Variants in ORC3 observed in about 807,000 individuals in gnomAD.
ORC3 encodes the protein origin recognition complex subunit 3.
Under a neutral mutation model 100.7 loss-of-function variants are expected in ORC3, and 78 were observed. The ratio of observed to expected loss-of-function variants is 0.77; its 90% CI spans 0.65 to 0.94. The LOEUF (loss-of-function observed/expected upper bound fraction) is 0.94. Among genes scored for constraint, ORC3 ranks in the 40% least tolerant of loss-of-function variants. The pLI, the probability that ORC3 is intolerant of heterozygous loss-of-function variation, is 0.00. For missense variants in ORC3, 789 were observed against 823.9 expected (o/e 0.96, Z 0.52); for synonymous variants, 295 against 289.3 (o/e 1.02, Z -0.20).
At chr6:87,675,515 G>A in the ORC3 span, 1 of 1,547,632 alleles carries the variant, frequency 6.5e-7, no homozygotes, top group Non-Finnish European at 8.9e-7. Context: ...AAGGGGTATT[G>A]GCATTGCTGC....
intron 13 of ORC3, among the ~76,000 whole-genome samples, chr6:87,637,464 C>A (rs1767911596): frequency 1.3e-5 from 2 of 152,058 alleles, no homozygotes; most frequent in Non-Finnish European, 2.9e-5. Context: ...AACAAGATTT[C>A]TTTTTTCTTC....
intron 13 of ORC3, among the ~76,000 whole-genome samples, chr6:87,644,026 A>G (rs1027203784): frequency 2.0e-5 from 3 of 148,762 alleles, no homozygotes; most frequent in African/African-American, 7.5e-5. Flanking sequence ...TTTCAATCCA[A>G]GGTTGATTGA....
At chr6:87,674,341 A>C in the ORC3 span, among the ~76,000 whole-genome samples, 51 of 150,134 alleles carry the variant, frequency 3.4e-4, no homozygotes, top group East Asian at 8.0e-3. Context: ...TTTTCTTCTA[A>C]CTTGGTCAGT....
Position 87,603,380 on chromosome 6 carries a change from G to A in ORC3, c.178-4G>A. 1 of 1,430,846 alleles carries A rather than the reference G, an allele frequency of 7.0e-7. No individual in the cohort carries two copies. Among genetic ancestry groups the A allele is most frequent in the Non-Finnish European group, 9.4e-7 (1 of 1,058,498 alleles). The allele number at this position is 1,430,846 out of a possible 1,614,324, so 88.6% of individuals were successfully genotyped here. Reference sequence around the variant, plus strand: ...AATAATAAGTTTTTGTGTGTTCTTTGTAGCGACTACAAGAGGAATTAAATA... The same window carrying A: ...AATAATAAGTTTTTGTGTGTTCTTTATAGCGACTACAAGAGGAATTAAATA... On this transcript the variant is annotated splice_polypyrimidine_tract_variant and splice_region_variant and intron_variant, in intron 3 of 19. Transcript: ENST00000392844.
chr6:87,658,163 G>A (rs1769868893), intron 16 of ORC3, 145 bp downstream of exon 16: 3 of 540,112 alleles, frequency 5.6e-6, no homozygotes, highest in Non-Finnish European at 9.9e-6. Flanking sequence ...CTAGCTTAGA[G>A]TTGTAATTTT....
the ORC3 span, among the ~76,000 whole-genome samples, chr6:87,673,256 G>T: frequency 6.9e-6 from 1 of 144,418 alleles, no homozygotes; most frequent in Admixed American, 7.3e-5. Flanking sequence ...TGCCTCCTGA[G>T]TTCAAGCGAT....
At chr6:87,600,881 T>C (rs1270183625) in intron 2 of ORC3, among the ~76,000 whole-genome samples, 1 of 152,246 alleles carries the variant, frequency 6.6e-6, no homozygotes, top group African/African-American at 2.4e-5. Flanking sequence ...TTTTTGTTCA[T>C]GTGTATATGT....
intron 12 of ORC3, among the ~76,000 whole-genome samples, 165 bp from the exon 13 acceptor site, chr6:87,636,242 T>A (rs753156841): frequency 3.3e-4 from 51 of 152,314 alleles, no homozygotes; most frequent in Non-Finnish European, 6.0e-4. Flanking sequence ...GTAAATTGCA[T>A]TCTTATAAAG....
intron 16 of ORC3, among the ~76,000 whole-genome samples, chr6:87,661,334 A>G (rs1043738906): frequency 1.3e-5 from 2 of 152,084 alleles, no homozygotes; most frequent in African/African-American, 2.4e-5. Context: ...TATCTGAGGT[A>G]TAGAATATTG....
chr6:87,615,357 C>T (rs1305509424), intron 8 of ORC3, among the ~76,000 whole-genome samples: 1 of 152,152 alleles, frequency 6.6e-6, no homozygotes, highest in African/African-American at 2.4e-5. Context: ...CATTGACCTT[C>T]CCCAAATTGC....
intron 13 of ORC3, among the ~76,000 whole-genome samples, chr6:87,644,018 T>G (rs1464181903): frequency 1.3e-5 from 2 of 151,372 alleles, no homozygotes; most frequent in African/African-American, 2.4e-5. Context: ...CAAAATATTT[T>G]CAATCCAAGG....
chr6:87,666,955 G>C (rs1005604033), intron 19 of ORC3, 63 bp from the exon 20 acceptor site: 2 of 918,746 alleles, frequency 2.2e-6, no homozygotes, highest in African/African-American at 3.3e-5. Flanking sequence ...TTTTAACATT[G>C]AGATTTTAAT....
chr6:87,653,285 T>G, intron 14 of ORC3, 36 bp downstream of exon 14: 1 of 1,588,598 alleles, frequency 6.3e-7, no homozygotes, highest in Non-Finnish European at 8.6e-7. Context: ...CTATTGGCCA[T>G]GACAGTCATT....
At chr6:87,652,622 C>T (rs965762328) in intron 13 of ORC3, among the ~76,000 whole-genome samples, 43 of 152,140 alleles carry the variant, frequency 2.8e-4, no homozygotes, top group African/African-American at 9.4e-4. Flanking sequence ...TTACATTTAG[C>T]ACGTCATATC....
chr6:87,677,050 C>T, the ORC3 span, among the ~76,000 whole-genome samples: 2 of 150,456 alleles, frequency 1.3e-5, no homozygotes, highest in East Asian at 2.0e-4. Context: ...GCACTCCAGC[C>T]TTGGGTGACA....
chr6:87,628,756 T>C (rs767861228), intron 11 of ORC3, among the ~76,000 whole-genome samples: 14 of 152,172 alleles, frequency 9.2e-5, no homozygotes, highest in Non-Finnish European at 1.9e-4. Context: ...ACAAAATCAG[T>C]TCATGAGTTT....
intron 14 of ORC3, among the ~76,000 whole-genome samples, chr6:87,654,395 C>T (rs1332098930): frequency 1.3e-5 from 2 of 152,190 alleles, no homozygotes; most frequent in African/African-American, 4.8e-5. Flanking sequence ...GGGCATTGCT[C>T]TTGCCACTGC....
At chr6:87,631,464 A>G (rs1767402143) in intron 11 of ORC3, among the ~76,000 whole-genome samples, 1 of 152,124 alleles carries the variant, frequency 6.6e-6, no homozygotes, top group African/African-American at 2.4e-5. Context: ...TTTCACATGT[A>G]CATGGTATGA....
intron 6 of ORC3, among the ~76,000 whole-genome samples, chr6:87,608,280 T>G (rs1294164796): frequency 6.6e-6 from 1 of 152,126 alleles, no homozygotes; most frequent in Non-Finnish European, 1.5e-5. Flanking sequence ...ATGTTTAGAG[T>G]TCTTAGGGAA....
Sources: gnomAD v4.1 joint callset for allele counts (sites outside exome capture counted in the v4.1 genomes callset) on GRCh38, gnomAD v4.1.1 for gene constraint, MANE v1.5 for transcripts, NCBI Gene and HGNC (gene_info 2026-07-23, HGNC 2026-07-21) for gene names.